The following BICD1 variants were observed in gnomAD, a reference collection of about 807,000 sequenced individuals.
BICD1 encodes protein bicaudal D homolog 1.
Under a neutral mutation model 92.5 loss-of-function variants are expected in BICD1, and 35 were observed. The ratio of observed to expected loss-of-function variants is 0.38; its 90% confidence interval spans 0.29 to 0.50. BICD1 has a LOEUF of 0.50. Among genes scored for constraint, BICD1 ranks in the 20% least tolerant of loss-of-function variants. BICD1 has a pLI of 0.93. For synonymous variants in BICD1, 429 were observed against 465.1 expected, an observed-to-expected ratio of 0.92 and a Z score of 1.00; for missense variants, 950 against 1,189.8, an observed-to-expected ratio of 0.80 and a Z score of 2.97.
intron 1 of BICD1, among the ~76,000 whole-genome samples, chr12:32,161,713 T>G (rs1207587266): frequency 6.6e-6 from 1 of 152,248 alleles, no homozygotes; most frequent in Non-Finnish European, 1.5e-5. Flanking sequence ...CATATAGTTA[T>G]TTTGTTAATT....
At chr12:32,294,428 C>T (rs1013534422) in intron 3 of BICD1, among the ~76,000 whole-genome samples, 1 of 151,886 alleles carries the variant, frequency 6.6e-6, no homozygotes, top group African/African-American at 2.4e-5. Flanking sequence ...TCAAATGTAT[C>T]GTAACAAATT....
At position 32,225,621 on chromosome 12, in the gene BICD1, G is replaced by GTTTTTGTTTTTTTTTTTTT. The variant is rs1411722126; in HGVS notation, c.426+9167_426+9168insGTTTTTTTTTTTTTTTTTT. Reference sequence around the variant, plus strand: ...TGGTATTTGACAGTTCTTTTTTTCTGTTTTTTTTTTTTTTTTTTTTAGACG... The same window carrying GTTTTTGTTTTTTTTTTTTT: ...TGGTATTTGACAGTTCTTTTTTTCTGTTTTTGTTTTTTTTTTTTTTTTTTTTTTTTTTTTTTTTTAGACG... On this transcript the variant is annotated intron_variant, in intron 2 of 9. Transcript: ENST00000652176. Among the ~76,000 whole-genome samples the GTTTTTGTTTTTTTTTTTTT allele has an allele frequency of 1.9e-3, 174 of 92,782 alleles. 6 individuals carry two copies. Among genetic ancestry groups the GTTTTTGTTTTTTTTTTTTT allele is most frequent in the Middle Eastern group, 6.0e-3 (1 of 166 alleles). The allele number at this position is 92,782 out of a possible 152,430, so 60.9% of individuals were successfully genotyped here. A position where few individuals can be genotyped will look rare whatever the true frequency, so the allele number is the denominator to read the frequency against.
intron 2 of BICD1, among the ~76,000 whole-genome samples, chr12:32,289,899 C>G (rs1442909173): frequency 6.6e-6 from 1 of 152,152 alleles, no homozygotes; most frequent in Non-Finnish European, 1.5e-5. Context: ...AGTTGGCAAA[C>G]TCTATTTTCA....
rs1223805173 is a variant in BICD1, at chr12:32,337,762, G to A, written c.2516G>A (p.Ser839Asn). The A allele has an allele frequency of 6.2e-7, 1 of 1,614,162 alleles. No homozygotes were observed. The highest frequency in any genetic ancestry group is 1.7e-5 in the Admixed American group (1 of 60,024). The change falls in exon 7 of 10, where the codon AGT (serine) becomes AAT (asparagine). Residue 839 changes from serine to asparagine, a missense_variant. Coordinates refer to ENST00000652176, the MANE Select transcript of BICD1 (RefSeq NM_001714.4). This position sits in a 1 kb window ranked among gnomAD's most constrained non-coding sequence, Gnocchi z 4.7. ...VPTIDTYLLHSQGPQTPNIRV... is the reference protein window; with the variant it reads ...VPTIDTYLLHNQGPQTPNIRV... ...ACCATAGACACTTACCTCCTGCATA[G>A]TCAGGGCCCACAGACACCCAACATT...
chr12:32,155,578 C>A (rs761150809), intron 1 of BICD1, among the ~76,000 whole-genome samples: 1 of 152,144 alleles, frequency 6.6e-6, no homozygotes, highest in Non-Finnish European at 1.5e-5. Context: ...AAGGAAAGTT[C>A]TTGTAAAATA....
At chr12:32,130,374 T>C (rs1942498363) in intron 1 of BICD1, among the ~76,000 whole-genome samples, 1 of 152,096 alleles carries the variant, frequency 6.6e-6, no homozygotes. Context: ...CGGCTAACTT[T>C]TTGTGTTTTT....
chr12:32,297,318 T>C (rs2136200835), intron 3 of BICD1, among the ~76,000 whole-genome samples: 1 of 152,308 alleles, frequency 6.6e-6, no homozygotes, highest in South Asian at 2.1e-4. Context: ...TGACTCGGCC[T>C]CCTGAGTAGC....
At chr12:32,375,358 G>A (rs1376102761) in intron 9 of BICD1, among the ~76,000 whole-genome samples, 1 of 152,064 alleles carries the variant, frequency 6.6e-6, no homozygotes, top group Non-Finnish European at 1.5e-5. Flanking sequence ...GTGAAAGTCC[G>A]TCTCTACTAA....
intron 1 of BICD1, among the ~76,000 whole-genome samples, chr12:32,204,248 G>A (rs1029516783): frequency 5.9e-5 from 9 of 151,730 alleles, no homozygotes; most frequent in African/African-American, 2.2e-4. Context: ...TACTTGGGAG[G>A]CTGAGGTGGG....
intron 2 of BICD1, among the ~76,000 whole-genome samples, chr12:32,249,664 A>G (rs1299386412): frequency 6.6e-6 from 1 of 150,730 alleles, no homozygotes; most frequent in African/African-American, 2.4e-5. Flanking sequence ...ACTCCTTGAG[A>G]TGGAGTTTTC....
At chr12:32,306,208 C>T in intron 4 of BICD1, 86 bp downstream of exon 4, 1 of 1,264,782 alleles carries the variant, frequency 7.9e-7, no homozygotes, top group Non-Finnish European at 1.1e-6. Flanking sequence ...TCGCATTTCA[C>T]TTCTAGATTT....
intron 2 of BICD1, among the ~76,000 whole-genome samples, chr12:32,258,406 A>G (rs981049246): frequency 1.3e-5 from 2 of 152,158 alleles, no homozygotes; most frequent in African/African-American, 2.4e-5. Flanking sequence ...ATTATTTTAA[A>G]GTAATAAATA....
intron 1 of BICD1, among the ~76,000 whole-genome samples, chr12:32,114,555 A>AT (rs1452242233): frequency 7.9e-5 from 12 of 151,436 alleles, no homozygotes; most frequent in Non-Finnish European, 1.2e-4. Flanking sequence ...TAATTTTTGT[A>AT]TTTTTTTTGT....
intron 2 of BICD1, among the ~76,000 whole-genome samples, chr12:32,280,491 A>G (rs1418231502): frequency 2.6e-5 from 4 of 152,256 alleles, no homozygotes; most frequent in Non-Finnish European, 1.5e-5. Context: ...ATATTTTAGT[A>G]AGTTTGTACA....
intron 8 of BICD1, among the ~76,000 whole-genome samples, chr12:32,345,607 GTTC>G (rs909530282): frequency 1.3e-5 from 2 of 152,052 alleles, no homozygotes; most frequent in Admixed American, 6.6e-5. Flanking sequence ...ATGTATCTGG[GTTC>G]TTCTTTCCTA....
At chr12:32,182,490 C>T (rs1018950920) in intron 1 of BICD1, among the ~76,000 whole-genome samples, 2 of 151,316 alleles carry the variant, frequency 1.3e-5, no homozygotes, top group Non-Finnish European at 3.0e-5. Context: ...ATCATGTTGG[C>T]CAGGCTGGTC....
chr12:32,288,921 T>C (rs576165531), intron 2 of BICD1, among the ~76,000 whole-genome samples: 2 of 152,296 alleles, frequency 1.3e-5, no homozygotes, highest in African/African-American at 4.8e-5. Context: ...TAATTTTGTC[T>C]TTTACACTTT....
chr12:32,285,413 AT>A (rs1177699810), intron 2 of BICD1, among the ~76,000 whole-genome samples: 1 of 152,134 alleles, frequency 6.6e-6, no homozygotes, highest in Admixed American at 6.5e-5. Context: ...GCTATTATTA[AT>A]ATCTAATGTG....
intron 5 of BICD1, among the ~76,000 whole-genome samples, chr12:32,331,222 G>A (rs1381529278): frequency 6.6e-6 from 1 of 152,030 alleles, no homozygotes; most frequent in African/African-American, 2.4e-5. Context: ...TTGTGAACAA[G>A]CATTCATTGA....
Sources: gnomAD v4.1 joint callset for allele counts (sites outside exome capture counted in the v4.1 genomes callset) on GRCh38, gnomAD v4.1.1 for gene constraint, Gnocchi (gnomAD v3.1) non-coding constraint, MANE v1.5 for transcripts, NCBI Gene and HGNC (gene_info 2026-07-23, HGNC 2026-07-21) for gene names.